Variants in SEM1 observed in about 807,000 individuals in gnomAD.
SEM1 encodes the protein 26S proteasome complex subunit SEM1.
Under a neutral mutation model 12.7 loss-of-function variants are expected in SEM1, and 3 were observed. The ratio of observed to expected loss-of-function variants is 0.24; its 90% CI spans 0.11 to 0.61. The LOEUF (loss-of-function observed/expected upper bound fraction) is 0.61, where lower values mean the gene tolerates loss of function less well. Ranked by LOEUF, SEM1 falls within the 20% of genes least tolerant of loss-of-function variation. SEM1 has a pLI of 0.88. For missense variants in SEM1, 59 were observed against 81.3 expected (o/e 0.73, Z 1.06); for synonymous variants, 30 against 27.8 (o/e 1.08, Z -0.25).
chr7:96,625,122 A>G (rs1006984500), intron 2 of SEM1, among the ~76,000 whole-genome samples: 3 of 152,170 alleles, frequency 2.0e-5, no homozygotes, highest in Non-Finnish European at 4.4e-5. Flanking sequence ...TGATTTTGCC[A>G]TTAGGGAATC....
At chr7:96,701,331 C>T (rs1417455506) in intron 1 of SEM1, among the ~76,000 whole-genome samples, 1 of 151,646 alleles carries the variant, frequency 6.6e-6, no homozygotes, top group Non-Finnish European at 1.5e-5. Flanking sequence ...TGAGGTCTTG[C>T]GGGTAGGGCT....
At position 96,576,834 on chromosome 7, in the gene SEM1, C is replaced by A. The variant is rs1384077290; in HGVS notation, c.171-70136G>T. 2.6e-5 allele frequency among the ~76,000 whole-genome samples: 4 copies of A among 152,112 alleles called. No homozygotes were observed. The East Asian group carries it at 7.7e-4, about 29-fold the overall frequency. ...ATAGAACAATTAGAAATGATGGATA[C>A]AGGCTGGGCGTGGTCACTTATGCCT... On this transcript the variant is annotated intron_variant and NMD_transcript_variant, in intron 2 of 3. Coordinates refer to the SEM1 transcript ENST00000466986.
intron 2 of SEM1, chr7:96,645,570 G>A (rs1252722176): frequency 1.8e-5 from 7 of 393,542 alleles, no homozygotes; most frequent in Middle Eastern, 6.3e-4. Flanking sequence ...AAGAGAGACC[G>A]GAGCATGCTC....
rs1805314152 is a variant in SEM1, at chr7:96,552,440, G to T, written c.171-45742C>A. 3.3e-5 allele frequency among the ~76,000 whole-genome samples: 5 copies of T among 150,980 alleles called. No homozygotes were observed. The South Asian group carries it at 1.1e-3, about 32-fold the overall frequency. ...CCACCTATGAGTGAGAATATGCGGT[G>T]TTTGGTTTTTTGTTCTTGCGATAGT... On this transcript the variant is annotated intron_variant and NMD_transcript_variant, in intron 2 of 3. Transcript: ENST00000466986.
At chr7:96,668,037 C>T (rs1363733607) in intron 2 of SEM1, among the ~76,000 whole-genome samples, 1 of 152,088 alleles carries the variant, frequency 6.6e-6, no homozygotes, top group African/African-American at 2.4e-5. Context: ...GAAACCCACC[C>T]ACGAATACTA....
chr7:96,609,361 C>T (rs1807476889), intron 2 of SEM1, among the ~76,000 whole-genome samples: 1 of 152,170 alleles, frequency 6.6e-6, no homozygotes, highest in Non-Finnish European at 1.5e-5. Context: ...CAAAGCCCCT[C>T]CCCATACCAT....
At chr7:96,555,289 G>A (rs572987752) in intron 2 of SEM1, among the ~76,000 whole-genome samples, 1 of 152,156 alleles carries the variant, frequency 6.6e-6, no homozygotes, top group Non-Finnish European at 1.5e-5. Context: ...ATGTTAGGGT[G>A]TCAATTTGGA....
chr7:96,585,874 C>G (rs1806615022), intron 2 of SEM1, among the ~76,000 whole-genome samples: 1 of 152,178 alleles, frequency 6.6e-6, no homozygotes. Flanking sequence ...GTCTGGCACT[C>G]CCTAGTGAGA....
At chr7:96,564,940 G>T (rs1210824293) in intron 2 of SEM1, among the ~76,000 whole-genome samples, 1 of 151,830 alleles carries the variant, frequency 6.6e-6, no homozygotes. Flanking sequence ...TATGTTTGTT[G>T]ACTTAAACTT....
intron 1 of SEM1, among the ~76,000 whole-genome samples, chr7:96,492,410 A>G (rs1803044916): frequency 6.6e-6 from 1 of 151,672 alleles, no homozygotes; most frequent in South Asian, 2.1e-4. Flanking sequence ...TCAGGGCTTC[A>G]TTCCTTTCTT....
intron 1 of SEM1, chr7:96,496,151 T>C (rs1803242083): frequency 1.8e-6 from 1 of 554,928 alleles, no homozygotes; most frequent in Non-Finnish European, 3.1e-6. Context: ...TCGATTTGAC[T>C]AAAACCAAAC....
chr7:96,532,595 T>C (rs972436784), intron 2 of SEM1, among the ~76,000 whole-genome samples: 1 of 152,124 alleles, frequency 6.6e-6, no homozygotes, highest in Non-Finnish European at 1.5e-5. Context: ...GATAAACAGA[T>C]CTTCCTGTTG....
upstream of SEM1, among the ~76,000 whole-genome samples, chr7:96,500,339 C>G (rs2117261084): frequency 6.6e-6 from 1 of 152,196 alleles, no homozygotes; most frequent in East Asian, 1.9e-4. Flanking sequence ...ATATGAAGAA[C>G]AGCAACCTGT....
At chr7:96,507,950 A>G (rs1279247877) in intron 2 of SEM1, among the ~76,000 whole-genome samples, 6 of 152,056 alleles carry the variant, frequency 3.9e-5, no homozygotes, top group African/African-American at 1.4e-4. Context: ...GGACTCTTCC[A>G]GTTTTCCATT....
At chr7:96,632,214 A>AAAGG (rs764842404) in intron 2 of SEM1, among the ~76,000 whole-genome samples, 1 of 152,182 alleles carries the variant, frequency 6.6e-6, no homozygotes, top group Non-Finnish European at 1.5e-5. Context: ...GTATATTCCC[A>AAAGG]AAGGATTGTA....
chr7:96,695,008 C>T, intron 1 of SEM1, 117 bp from the exon 2 acceptor site: 1 of 655,586 alleles, frequency 1.5e-6, no homozygotes, highest in Admixed American at 2.7e-5. Flanking sequence ...AAAACCATAT[C>T]TATGAAAAAT....
At chr7:96,552,751 A>T (rs1805327829) in intron 2 of SEM1, among the ~76,000 whole-genome samples, 1 of 152,134 alleles carries the variant, frequency 6.6e-6, no homozygotes, top group Admixed American at 6.5e-5. Flanking sequence ...CCAGTTCTAG[A>T]TCCCTGAGGA....
intron 2 of SEM1, among the ~76,000 whole-genome samples, chr7:96,521,448 G>A (rs554307592): frequency 6.6e-6 from 1 of 152,250 alleles, no homozygotes; most frequent in Admixed American, 6.5e-5. Context: ...CTCCATTTGA[G>A]AGAAGCACAG....
intron 2 of SEM1, among the ~76,000 whole-genome samples, chr7:96,624,611 T>A (rs540857246): frequency 2.0e-5 from 3 of 152,218 alleles, no homozygotes; most frequent in Non-Finnish European, 4.4e-5. Context: ...GCTTGGCACA[T>A]TGAAAGGACC....
Sources: allele counts gnomAD v4.1 joint callset (sites outside exome capture counted in the v4.1 genomes callset), GRCh38; gene constraint gnomAD v4.1.1; transcripts MANE v1.5; gene names NCBI Gene and HGNC (gene_info 2026-07-23, HGNC 2026-07-21).